Variants in NECAB2 observed in about 807,000 individuals in gnomAD.
The protein encoded by NECAB2 is N-terminal EF-hand calcium binding protein 2, also known as N-terminal EF-hand calcium-binding protein 2.
In NECAB2, 68 loss-of-function variants were observed where a neutral mutation model predicts 51.9. The ratio of observed to expected loss-of-function variants is 1.31; its 90% CI spans 1.08 to 1.60. The LOEUF (loss-of-function observed/expected upper bound fraction) is 1.60. NECAB2 is among the 40% of genes most tolerant of loss of function. The pLI is 0.00. For synonymous variants in NECAB2, 329 were observed against 203.5 expected (o/e 1.62, Z -5.25); for missense variants, 854 against 490.3 (o/e 1.74, Z -7.00).
intron 1 of NECAB2, among the ~76,000 whole-genome samples, chr16:83,970,086 C>T (rs1222455841): frequency 1.3e-5 from 2 of 152,230 alleles, no homozygotes; most frequent in African/African-American, 4.8e-5. Context: ...GCAGAGCTCC[C>T]ACTGAAAGTC....
At chr16:83,981,464 G>C (rs564156435) in intron 5 of NECAB2, among the ~76,000 whole-genome samples, 1 of 151,962 alleles carries the variant, frequency 6.6e-6, no homozygotes, top group South Asian at 2.1e-4. Context: ...GACTGGAAGA[G>C]GGGGCGGGGT....
chr16:84,001,695 T>C (rs1597234819), intron 11 of NECAB2, 130 bp from the exon 12 acceptor site: 2 of 922,958 alleles, frequency 2.2e-6, no homozygotes, highest in Non-Finnish European at 3.3e-6. Flanking sequence ...CCACAAAGGC[T>C]CTGAGTCCAA....
intron 3 of NECAB2, 104 bp downstream of exon 3, chr16:83,978,656 A>G: frequency 2.0e-6 from 2 of 1,008,138 alleles, no homozygotes; most frequent in Non-Finnish European, 1.5e-6. Flanking sequence ...GGGCAGGAGA[A>G]CTGAAAATCC....
intron 5 of NECAB2, among the ~76,000 whole-genome samples, chr16:83,986,686 T>C (rs928641161): frequency 6.6e-6 from 1 of 151,786 alleles, no homozygotes; most frequent in Non-Finnish European, 1.5e-5. Context: ...CAAATTTTTT[T>C]TTTTTTTTTT....
rs2084316739 is a variant in NECAB2 at position 83,968,736 on chromosome 16, C to G, written c.88C>G (p.Leu30Val). ...GCAGCAGGGCCGGGCGCTGGGCGGG[C>G]TGCTGCGCTGGGTGGGCGCCAGGAT... ...PPQQGRALGG[L>V]LRWVGARMGE... Residue 30 changes from leucine (L) to valine (V), a missense_variant, in exon 1 of 13, where the codon CTG becomes GTG. Leu to Val is a conservative substitution (Grantham distance 32). Transcript: ENST00000305202. 1 of 1,050,656 alleles carries G rather than the reference C, an allele frequency of 9.5e-7. No individual in the cohort carries two copies. The highest frequency in any genetic ancestry group is 1.1e-6 in the Non-Finnish European group (1 of 874,456). 65.1% of individuals were successfully genotyped at this position (1,050,656 alleles called of 1,614,324 possible). A position where few individuals can be genotyped will look rare whatever the true frequency, so the allele number is the denominator to read the frequency against.
chr16:83,997,312 C>A (rs758048979), intron 9 of NECAB2, 43 bp downstream of exon 9: 96 of 1,612,370 alleles, frequency 6.0e-5, no homozygotes, highest in Non-Finnish European at 7.7e-5. Context: ...ACATCCCTAC[C>A]CATGCCAGGA....
Position 84,002,546 on chromosome 16 carries a change from T to A in NECAB2, c.*200T>A. 1 of 687,964 alleles carries A rather than the reference T, an allele frequency of 1.5e-6. No homozygotes were observed. The highest frequency in any genetic ancestry group is 2.4e-6 in the Non-Finnish European group (1 of 409,716). 42.6% of individuals were successfully genotyped at this position (687,964 alleles called of 1,614,324 possible). On this transcript the variant is annotated 3_prime_UTR_variant, in exon 13 of 13. Transcript: ENST00000305202. The stretch of plus-strand genomic sequence containing the variant: ...GCAGAGCAGTGTCTGTGCTGCCAGG[T>A]CCTGGTGAAGCCCAAGGTTGAAGGG...
upstream of NECAB2, among the ~76,000 whole-genome samples, chr16:83,967,365 G>C (rs2084292297): frequency 6.7e-6 from 1 of 149,542 alleles, no homozygotes; most frequent in South Asian, 2.1e-4. Context: ...ATGGATGGGT[G>C]GATGGATGGA....
At chr16:83,967,018 A>T (rs2084288583), upstream of NECAB2, among the ~76,000 whole-genome samples, 1 of 152,022 alleles carries the variant, frequency 6.6e-6, no homozygotes, top group Non-Finnish European at 1.5e-5. Flanking sequence ...ATTACAGGTG[A>T]CTGCCACCTC....
intron 2 of NECAB2, among the ~76,000 whole-genome samples, chr16:83,977,049 A>T (rs994310436): frequency 1.3e-5 from 2 of 152,258 alleles, no homozygotes; most frequent in African/African-American, 4.8e-5. Context: ...TCCGCTTTCA[A>T]CACATGTGCA....
upstream of NECAB2, chr16:83,966,045 G>A (rs2084276770): frequency 6.3e-6 from 9 of 1,425,146 alleles, no homozygotes; most frequent in African/African-American, 1.4e-5. Context: ...GCCCTGAGAG[G>A]ACAGAGATGA....
intron 3 of NECAB2, among the ~76,000 whole-genome samples, chr16:83,978,841 C>G (rs559768823): frequency 7.2e-5 from 11 of 152,034 alleles, no homozygotes; most frequent in Non-Finnish European, 1.5e-4. Flanking sequence ...GGGAAGGTGG[C>G]AATGACTTCA....
upstream of NECAB2, chr16:83,965,804 G>A: frequency 3.1e-6 from 5 of 1,613,044 alleles, no homozygotes; most frequent in Non-Finnish European, 4.2e-6. Flanking sequence ...GGCAGGGGCT[G>A]ACTTTGCAGT....
At chr16:83,987,714 GT>G (rs1478326112) in intron 5 of NECAB2, among the ~76,000 whole-genome samples, 1 of 151,122 alleles carries the variant, frequency 6.6e-6, no homozygotes, top group Non-Finnish European at 1.5e-5. Flanking sequence ...TTATTTCCAA[GT>G]TTTTGCTATT....
chr16:83,971,041 C>T (rs2084341918), intron 1 of NECAB2, among the ~76,000 whole-genome samples: 2 of 151,940 alleles, frequency 1.3e-5, no homozygotes, highest in East Asian at 1.9e-4. Context: ...TTGCAGTGAG[C>T]CAAGATCGCG....
intron 1 of NECAB2, 169 bp from the exon 2 acceptor site, chr16:83,971,982 G>C: frequency 1.2e-6 from 1 of 856,716 alleles, no homozygotes; most frequent in South Asian, 1.7e-5. Context: ...TCCCTCATCA[G>C]TTCCCCCTGG....
chr16:83,993,248 C>T (rs1312146521), intron 6 of NECAB2, among the ~76,000 whole-genome samples: 3 of 152,320 alleles, frequency 2.0e-5, no homozygotes, highest in Non-Finnish European at 2.9e-5. Flanking sequence ...CCTGAGCAAC[C>T]CGTCATGGTC....
chr16:83,978,644 AG>A, intron 3 of NECAB2, 92 bp downstream of exon 3: 1 of 1,107,662 alleles, frequency 9.0e-7, no homozygotes, highest in Non-Finnish European at 1.3e-6. Context: ...GTCCCCTGTA[AG>A]GGGCAGGAGA....
At chr16:83,980,369 T>C (rs8057358) in intron 3 of NECAB2, among the ~76,000 whole-genome samples, 43,530 of 151,870 alleles carry the variant, frequency 0.29, 11,242 homozygotes, top group African/African-American at 0.7. Flanking sequence ...CTCCAGGCTG[T>C]AGGAATGGGG....
Sources: allele counts gnomAD v4.1 joint callset (sites outside exome capture counted in the v4.1 genomes callset), GRCh38; gene constraint gnomAD v4.1.1; transcripts MANE v1.5; gene names NCBI Gene and HGNC (gene_info 2026-07-23, HGNC 2026-07-21).